Variants in SMCO4 observed in about 807,000 individuals in gnomAD.
The protein encoded by SMCO4 is single-pass membrane protein with coiled-coil domains 4.
Under a neutral mutation model 3.6 loss-of-function variants are expected in SMCO4, and 4 were observed. The ratio of observed to expected loss-of-function variants is 1.11; its 90% CI spans 0.54 to 2.53. The LOEUF (loss-of-function observed/expected upper bound fraction) is 2.53, where lower values mean the gene tolerates loss of function less well. SMCO4 is among the 30% of genes most tolerant of loss of function. The probability of loss-of-function intolerance (pLI) is 0.02; values close to 1 mark genes in which losing one functional copy is unlikely to be tolerated. For missense variants in SMCO4, 70 were observed against 80.8 expected, an observed-to-expected ratio of 0.87 and a Z score of 0.51; for synonymous variants, 36 against 35.3, an observed-to-expected ratio of 1.02 and a Z score of -0.07.
At chr11:93,511,451 T>A (rs1948956152) in intron 1 of SMCO4, among the ~76,000 whole-genome samples, 1 of 152,186 alleles carries the variant, frequency 6.6e-6, no homozygotes, top group Non-Finnish European at 1.5e-5. Context: ...AATTCCCAGC[T>A]GGGGCCACTG....
upstream of SMCO4, among the ~76,000 whole-genome samples, chr11:93,548,294 T>A (rs1049836161): frequency 6.6e-6 from 1 of 152,238 alleles, no homozygotes; most frequent in Non-Finnish European, 1.5e-5. Context: ...TGGTCATTTT[T>A]TGGCAAAATA....
chr11:93,537,947 G>C (rs1200969935), intron 1 of SMCO4: 1 of 152,496 alleles, frequency 6.6e-6, no homozygotes, highest in African/African-American at 2.4e-5. Context: ...AATAAAGCCA[G>C]AATCTGACCA....
chr11:93,540,569 T>C (rs979568728), intron 1 of SMCO4, among the ~76,000 whole-genome samples: 5 of 152,216 alleles, frequency 3.3e-5, no homozygotes, highest in Non-Finnish European at 5.9e-5. Flanking sequence ...GTAGGATAGC[T>C]GAGAATTCCT....
intron 2 of SMCO4, among the ~76,000 whole-genome samples, chr11:93,483,938 A>G (rs917815205): frequency 6.6e-6 from 1 of 152,140 alleles, no homozygotes; most frequent in Non-Finnish European, 1.5e-5. Context: ...AAATAAATGA[A>G]GCTCACACGC....
intron 1 of SMCO4, among the ~76,000 whole-genome samples, chr11:93,514,412 ATATATAT>A (rs1565383108): frequency 6.2e-4 from 29 of 46,842 alleles, no homozygotes; most frequent in Non-Finnish European, 1.3e-3. Context: ...ATATATATAT[ATATATAT>A]ATAAAATTTG....
Position 93,484,365 on chromosome 11 carries a change from A to C in SMCO4, c.-80-5096T>G, listed in dbSNP as rs1400371711. On this transcript the variant is annotated intron_variant, in intron 2 of 2. Coordinates refer to ENST00000298966, the MANE Select transcript of SMCO4 (RefSeq NM_020179.3). ...TGCACTTTTCTCCGATTTGGAGATT[A>C]TAATGTACACAGAGTGTTAGATCCT... is the stretch of plus-strand genomic sequence containing the variant. Among the ~76,000 whole-genome samples the C allele has an allele frequency of 2.0e-5, 3 of 152,210 alleles. No individual in the cohort carries two copies. The South Asian group carries it at 6.2e-4, about 31-fold the overall frequency.
At chr11:93,538,801 A>G (rs936524465) in intron 1 of SMCO4, among the ~76,000 whole-genome samples, 1 of 152,172 alleles carries the variant, frequency 6.6e-6, no homozygotes, top group Non-Finnish European at 1.5e-5. Flanking sequence ...CCACTGTCTT[A>G]ATGTCTTCTG....
At chr11:93,504,268 G>A (rs1948877498) in intron 1 of SMCO4, among the ~76,000 whole-genome samples, 1 of 152,152 alleles carries the variant, frequency 6.6e-6, no homozygotes, top group Non-Finnish European at 1.5e-5. Flanking sequence ...TTAGCAACCT[G>A]GATACATGTC....
At chr11:93,524,807 A>G (rs1949090628) in intron 1 of SMCO4, among the ~76,000 whole-genome samples, 1 of 152,210 alleles carries the variant, frequency 6.6e-6, no homozygotes, top group Non-Finnish European at 1.5e-5. Flanking sequence ...GTTAACTCAC[A>G]GATCTCGCCT....
intron 1 of SMCO4, among the ~76,000 whole-genome samples, 192 bp downstream of exon 1, chr11:93,543,084 A>G (rs1465421734): frequency 2.6e-5 from 4 of 151,278 alleles, no homozygotes; most frequent in Non-Finnish European, 5.9e-5. Context: ...CCCCGCCCGC[A>G]CGAGTTGCGC....
At chr11:93,479,301 T>A (rs1948564179) in intron 2 of SMCO4, 32 bp from the exon 3 acceptor site, 6 of 1,453,942 alleles carry the variant, frequency 4.1e-6, no homozygotes, top group South Asian at 3.2e-5. Flanking sequence ...TAGTAGAGAA[T>A]AAACCAAATA....
chr11:93,481,326 C>T lies in SMCO4; in HGVS notation c.-80-2057G>A, dbSNP rs912963922. The T allele has an allele frequency of 1.7e-5, 9 of 537,772 alleles. No homozygotes were observed. The South Asian group carries it at 4.7e-4, about 28-fold the overall frequency. 33.3% of individuals were successfully genotyped at this position (537,772 alleles called of 1,614,324 possible). A position where few individuals can be genotyped will look rare whatever the true frequency, so the allele number is the denominator to read the frequency against. On this transcript the variant is annotated intron_variant, in intron 2 of 2. Transcript: ENST00000298966. ...CCAGAGCTCTGCCCGCCCGCAGGGA[C>T]GCGGTACAGGTGGGCTGAGACATCT...
chr11:93,491,148 T>C lies in SMCO4; in HGVS notation c.-81+8128A>G, dbSNP rs193267840. 6.6e-5 allele frequency among the ~76,000 whole-genome samples: 10 copies of C among 152,364 alleles called. No individual in the cohort carries two copies. In the East Asian group the frequency reaches 1.7e-3, roughly 26 times the overall value. On this transcript the variant is annotated intron_variant, in intron 2 of 2. Coordinates refer to ENST00000298966, the MANE Select transcript of SMCO4 (RefSeq NM_020179.3). The stretch of plus-strand genomic sequence containing the variant: ...AAACAGCAGGTACTAAAAGTAAGCA[T>C]GGCTAATTCATCACTTCCTTAACGG...
intron 2 of SMCO4, among the ~76,000 whole-genome samples, chr11:93,485,775 T>A (rs1948641440): frequency 6.6e-6 from 1 of 152,252 alleles, no homozygotes; most frequent in Non-Finnish European, 1.5e-5. Flanking sequence ...TGAGTTAGAA[T>A]AGAAAATTCT....
chr11:93,535,784 C>A, intron 1 of SMCO4: 2 of 1,613,578 alleles, frequency 1.2e-6, no homozygotes, highest in Non-Finnish European at 1.7e-6. Context: ...ACTAAGAAGA[C>A]CAAAGCAGCA....
Position 93,515,819 on chromosome 11 carries a change from G to A in SMCO4, c.-153-16471C>T, listed in dbSNP as rs113888862. ...ACAAATGTGCACTACACCACTGTAC[G>A]TCTCCCCAGCCCTATCTATGCTGGG... On this transcript the variant is annotated intron_variant, in intron 1 of 2. Coordinates refer to ENST00000298966, the MANE Select transcript of SMCO4 (RefSeq NM_020179.3). Among the ~76,000 whole-genome samples, 511 of 152,244 alleles carry A rather than the reference G, an allele frequency of 3.4e-3. 3 individuals are homozygous for A. The highest frequency in any genetic ancestry group is 0.011 in the African/African-American group (471 of 41,514).
At chr11:93,507,202 C>G (rs906540493) in intron 1 of SMCO4, among the ~76,000 whole-genome samples, 2 of 152,098 alleles carry the variant, frequency 1.3e-5, no homozygotes, top group African/African-American at 4.8e-5. Context: ...GTCAGGAGTT[C>G]AAGGTCAGCC....
At chr11:93,534,662 C>T (rs1478383532) in intron 1 of SMCO4, among the ~76,000 whole-genome samples, 1 of 152,162 alleles carries the variant, frequency 6.6e-6, no homozygotes, top group African/African-American at 2.4e-5. Flanking sequence ...CCCTTCATCT[C>T]CCAAGGGTTC....
chr11:93,534,373 T>TAGAGAGAG (rs559386704), intron 1 of SMCO4, among the ~76,000 whole-genome samples: 1,716 of 134,142 alleles, frequency 0.013, 25 homozygotes, highest in Non-Finnish European at 0.017. Flanking sequence ...TATATATATA[T>TAGAGAGAG]ATAGAGAGAG....
Sources: gnomAD v4.1 joint callset for allele counts (sites outside exome capture counted in the v4.1 genomes callset) on GRCh38, gnomAD v4.1.1 for gene constraint, MANE v1.5 for transcripts, NCBI Gene and HGNC (gene_info 2026-07-23, HGNC 2026-07-21) for gene names.